The following SPIRE2 variants were observed in gnomAD, a reference collection of about 807,000 sequenced individuals.
SPIRE2 encodes the protein spire type actin nucleation factor 2.
SPIRE2 carries 76 observed loss-of-function variants against 80.7 expected under a neutral mutation model. The ratio of observed to expected loss-of-function variants is 0.94; its 90% CI spans 0.78 to 1.14. SPIRE2 has a LOEUF of 1.14. SPIRE2 is among the 50% of genes most tolerant of loss of function. The pLI, the probability that SPIRE2 is intolerant of heterozygous loss-of-function variation, is 0.00. For synonymous variants in SPIRE2, 535 were observed against 432.6 expected (o/e 1.24, Z -2.94); for missense variants, 1,196 against 1,015.3 (o/e 1.18, Z -2.42).
chr16:89,861,159 G>A (rs1052192242), intron 10 of SPIRE2, among the ~76,000 whole-genome samples: 3 of 152,194 alleles, frequency 2.0e-5, no homozygotes, highest in African/African-American at 4.8e-5. Flanking sequence ...CCGTGACGCC[G>A]CCACGGTACT....
rs890453522 is a variant in SPIRE2 at position 89,863,767 on chromosome 16, G to A, written c.1711-27G>A. On this transcript the variant is annotated intron_variant, in intron 11 of 14. Coordinates refer to ENST00000378247, the MANE Select transcript of SPIRE2 (RefSeq NM_032451.2). The surrounding 1 kb of genome is among the most constrained non-coding windows in gnomAD (Gnocchi z 4.3). ...GACCCCAGGGAGCTTTGGACAAAGC[G>A]GGGCTCTAACCAGTCTCTCCTGACA... is the stretch of plus-strand genomic sequence containing the variant. 8.7e-6 allele frequency: 14 copies of A among 1,613,170 alleles called. No homozygotes were observed. The Admixed American group carries it at 1.7e-4, about 19-fold the overall frequency.
intron 8 of SPIRE2, among the ~76,000 whole-genome samples, chr16:89,858,776 T>G (rs1821762374): frequency 6.6e-6 from 1 of 152,224 alleles, no homozygotes; most frequent in Non-Finnish European, 1.5e-5. Flanking sequence ...AGTGCCTCGC[T>G]GTCCCAGGCC....
At chr16:89,859,441 C>T in intron 9 of SPIRE2, 87 bp downstream of exon 9, 1 of 854,994 alleles carries the variant, frequency 1.2e-6, no homozygotes. Flanking sequence ...CAGCCCACAT[C>T]TTCCTGAGCA....
chr16:89,863,654 CA>C lies in SPIRE2; in HGVS notation c.1710+45del. 1 of 1,613,780 alleles carries C rather than the reference CA, an allele frequency of 6.2e-7. No individual in the cohort carries two copies. Among genetic ancestry groups the C allele is most frequent in the South Asian group, 1.1e-5 (1 of 91,054 alleles). On this transcript the variant is annotated intron_variant, in intron 11 of 14. Coordinates refer to ENST00000378247, the MANE Select transcript of SPIRE2 (RefSeq NM_032451.2). This position sits in a 1 kb window ranked among gnomAD's most constrained non-coding sequence, Gnocchi z 4.3. ...GGGGCTACGCTCTTGCCCGCTGGGT[CA>C]GGGGCGGGTGCCGAGAGGGCCAGTT... is the stretch of plus-strand genomic sequence containing the variant.
intron 9 of SPIRE2, among the ~76,000 whole-genome samples, chr16:89,859,755 G>A (rs953762095): frequency 1.3e-5 from 2 of 152,182 alleles, no homozygotes; most frequent in Non-Finnish European, 1.5e-5. Context: ...TGATTCCTTC[G>A]ACTCCTTTTC....
chr16:89,842,878 G>A (rs1052283184), intron 1 of SPIRE2, among the ~76,000 whole-genome samples: 1 of 152,228 alleles, frequency 6.6e-6, no homozygotes, highest in Admixed American at 6.5e-5. Flanking sequence ...CTGATGCGGG[G>A]GTGGATTGCT....
intron 2 of SPIRE2, chr16:89,849,844 C>CTT (rs543922121): frequency 7.1e-4 from 175 of 245,516 alleles, no homozygotes; most frequent in East Asian, 1.9e-3. Flanking sequence ...AAAAAAACTT[C>CTT]TTTTTTTTTT....
Position 89,828,717 on chromosome 16 carries a change from G to A in SPIRE2, c.167G>A (p.Gly56Asp). Residue 56 changes from glycine (G) to aspartate (D), a missense_variant, in exon 1 of 15, where the codon GGC (glycine) becomes GAC (aspartate). Transcript: ENST00000378247. The surrounding 1 kb of genome is among the most constrained non-coding windows in gnomAD (Gnocchi z 5.9). ...TGCCGCGGGCTGCGGGGCTCGCCGG[G>A]CCGGCGCCTGCGGGATACCGGGGAC... is the stretch of plus-strand genomic sequence containing the variant. Reference protein sequence around the residue: ...QGCRGLRGSPGRRLRDTGDLL... With the variant: ...QGCRGLRGSPDRRLRDTGDLL... The A allele has an allele frequency of 7.9e-7, 1 of 1,259,032 alleles. No homozygotes were observed. The highest frequency in any genetic ancestry group is 3.3e-5 in the East Asian group (1 of 29,952). The allele number at this position is 1,259,032 out of a possible 1,614,324, so 78.0% of individuals were successfully genotyped here. A position where few individuals can be genotyped will look rare whatever the true frequency, so the allele number is the denominator to read the frequency against.
At chr16:89,844,148 A>G (rs2041534694) in intron 1 of SPIRE2, among the ~76,000 whole-genome samples, 1 of 150,876 alleles carries the variant, frequency 6.6e-6, no homozygotes, top group Non-Finnish European at 1.5e-5. Context: ...CGCCTGGCTA[A>G]TTTTTTTATT....
chr16:89,855,398 A>G (rs932647113), intron 5 of SPIRE2, among the ~76,000 whole-genome samples: 3 of 152,042 alleles, frequency 2.0e-5, no homozygotes, highest in Non-Finnish European at 4.4e-5. Flanking sequence ...GCGTCAGACC[A>G]TGGATGCTGT....
In SPIRE2 at chr16:89,855,777, G is replaced by A; in HGVS notation, c.978+91G>A. The A allele has an allele frequency of 3.0e-6, 4 of 1,334,220 alleles. No individual in the cohort carries two copies. In the South Asian group the frequency reaches 3.7e-5, roughly 12 times the overall value. The allele number at this position is 1,334,220 out of a possible 1,614,324, so 82.6% of individuals were successfully genotyped here. ...GGGAGGTGTCCCAGCACGTCTTCCT[G>A]TGGCCAGCCTGGGAGGTGTCCCAGT... is the stretch of plus-strand genomic sequence containing the variant. On this transcript the variant is annotated intron_variant, in intron 6 of 14. Transcript: ENST00000378247.
intron 5 of SPIRE2, 32 bp downstream of exon 5, chr16:89,854,683 G>A (rs756286325): frequency 6.3e-7 from 1 of 1,599,580 alleles, no homozygotes; most frequent in South Asian, 1.1e-5. Context: ...GGGCAGCCTG[G>A]ATGCAGAGGT....
At position 89,854,209 on chromosome 16, in the gene SPIRE2, G is replaced by C. The variant is rs1363797206; in HGVS notation, c.646-77G>C. 5 of 1,366,628 alleles carry C rather than the reference G, an allele frequency of 3.7e-6. No individual in the cohort carries two copies. In the African/African-American group the frequency reaches 5.7e-5, roughly 16 times the overall value. 84.7% of individuals were successfully genotyped at this position (1,366,628 alleles called of 1,614,324 possible). ...AGTGGAGCCCCCGTGACGTGGTCGT[G>C]TCCCTGACGGACGGGGCCCGTCTTG... On this transcript the variant is annotated intron_variant, in intron 3 of 14. Coordinates refer to ENST00000378247, the MANE Select transcript of SPIRE2 (RefSeq NM_032451.2).
chr16:89,831,491 G>A (rs1448605574), intron 1 of SPIRE2, among the ~76,000 whole-genome samples: 2 of 148,668 alleles, frequency 1.3e-5, no homozygotes, highest in Non-Finnish European at 3.0e-5. Flanking sequence ...TTCGCCTACT[G>A]GGTTCACGCC....
At chr16:89,850,145 C>T (rs1235709187) in intron 2 of SPIRE2, 159 bp from the exon 3 acceptor site, 2 of 739,538 alleles carry the variant, frequency 2.7e-6, no homozygotes, top group Non-Finnish European at 2.4e-6. Flanking sequence ...CGGGAACATC[C>T]TTTTCATCCG....
chr16:89,856,438 A>C (rs1030710131), intron 7 of SPIRE2, among the ~76,000 whole-genome samples: 2 of 151,650 alleles, frequency 1.3e-5, no homozygotes, highest in Non-Finnish European at 2.9e-5. Context: ...AATTAAATTA[A>C]AATTATATAT....
At chr16:89,858,308 C>G (rs775184059) in intron 7 of SPIRE2, 30 bp from the exon 8 acceptor site, 2 of 1,543,048 alleles carry the variant, frequency 1.3e-6, no homozygotes, top group Non-Finnish European at 1.7e-6. Flanking sequence ...CGTTCACTGG[C>G]CCGTCCTGCC....
intron 1 of SPIRE2, among the ~76,000 whole-genome samples, chr16:89,844,138 C>T (rs908956751): frequency 7.9e-5 from 12 of 151,408 alleles, no homozygotes; most frequent in African/African-American, 2.4e-4. Flanking sequence ...CCTGCCACCA[C>T]GCCTGGCTAA....
intron 1 of SPIRE2, among the ~76,000 whole-genome samples, chr16:89,843,093 A>C (rs1349115529): frequency 6.6e-6 from 1 of 152,218 alleles, no homozygotes; most frequent in South Asian, 2.1e-4. Context: ...TCCCACCTGC[A>C]TGCCCAGTTC....
Sources: allele counts gnomAD v4.1 joint callset (sites outside exome capture counted in the v4.1 genomes callset), GRCh38; gene constraint gnomAD v4.1.1; non-coding constraint Gnocchi (gnomAD v3.1); transcripts MANE v1.5; gene names NCBI Gene and HGNC (gene_info 2026-07-23, HGNC 2026-07-21).